The following AVEN variants were observed in gnomAD, a reference collection of about 807,000 sequenced individuals.
AVEN encodes the protein cell death regulator Aven.
Under a neutral mutation model 38.1 loss-of-function variants are expected in AVEN, and 41 were observed. The observed-to-expected ratio is 1.08, with a 90% CI of 0.84 to 1.40. The LOEUF is 1.40. AVEN is among the 40% of genes most tolerant of loss of function. The pLI, the probability that AVEN is intolerant of heterozygous loss-of-function variation, is 0.00. For synonymous variants in AVEN, 206 were observed against 171.8 expected (o/e 1.20, Z -1.56); for missense variants, 605 against 438.8 (o/e 1.38, Z -3.38).
At chr15:33,990,781 G>A (rs511422) in intron 2 of AVEN, 72,910 of 152,036 alleles carry the variant, frequency 0.48, 21,115 homozygotes, top group Non-Finnish European at 0.65. Context: ...TTAATTTGCC[G>A]TAAGACGAAT....
At chr15:33,924,909 A>G (rs694501) in intron 2 of AVEN, among the ~76,000 whole-genome samples, 104,442 of 152,030 alleles carry the variant, frequency 0.69, 36,223 homozygotes, top group East Asian at 0.76. Flanking sequence ...TTATATACAT[A>G]TATTTTAAAA....
chr15:34,006,632 G>C (rs1446744139), intron 1 of AVEN, among the ~76,000 whole-genome samples: 1 of 152,268 alleles, frequency 6.6e-6, no homozygotes, highest in Middle Eastern at 3.4e-3. Flanking sequence ...CGAATTAATG[G>C]TCCTGCCAAG....
At chr15:33,906,123 C>T (rs1271859836) in intron 2 of AVEN, among the ~76,000 whole-genome samples, 1 of 152,148 alleles carries the variant, frequency 6.6e-6, no homozygotes, top group Non-Finnish European at 1.5e-5. Context: ...AACAGGTCTA[C>T]GTTTCTCCCA....
chr15:33,919,808 C>CA (rs1179143582), intron 2 of AVEN, among the ~76,000 whole-genome samples: 3 of 152,110 alleles, frequency 2.0e-5, no homozygotes, highest in Admixed American at 6.5e-5. Context: ...ACACGAAGTA[C>CA]AAAAAAATTT....
At chr15:33,864,078 C>G (rs766418363), downstream of AVEN, 10 of 1,253,932 alleles carry the variant, frequency 8.0e-6, no homozygotes, top group South Asian at 1.3e-5. Context: ...CACAGTTAAT[C>G]CATGCGAATG....
intron 1 of AVEN, among the ~76,000 whole-genome samples, chr15:34,005,821 G>C (rs1036429592): frequency 6.6e-6 from 1 of 152,086 alleles, no homozygotes; most frequent in Non-Finnish European, 1.5e-5. Context: ...TCAAGATCAC[G>C]TTCAGCCCAC....
intron 1 of AVEN, among the ~76,000 whole-genome samples, chr15:34,071,763 A>C (rs1900630911): frequency 6.6e-6 from 1 of 152,172 alleles, no homozygotes; most frequent in South Asian, 2.1e-4. Context: ...CAAGTGATAC[A>C]AATTTAAACT....
rs369194075 is a variant in AVEN, at chr15:34,050,787, A to G, written n.1637+12135T>C. 9.9e-5 allele frequency among the ~76,000 whole-genome samples: 15 copies of G among 152,240 alleles called. No homozygotes were observed. The East Asian group carries it at 1.3e-3, about 14-fold the overall frequency. On this transcript the variant is annotated intron_variant and non_coding_transcript_variant, in intron 5 of 11. Transcript: ENST00000675287. ...ACATAATGGTAAAGGGTTCAATTCA[A>G]CAAGAAGAGCTAACTATCCTAAATG...
intron 5 of AVEN, among the ~76,000 whole-genome samples, chr15:34,056,429 A>G (rs1464410057): frequency 1.3e-5 from 2 of 152,242 alleles, no homozygotes; most frequent in East Asian, 3.9e-4. Flanking sequence ...TTCCTCTGAG[A>G]AAGGCTAGAT....
chr15:34,022,129 G>C (rs913560828), intron 1 of AVEN, among the ~76,000 whole-genome samples: 2 of 152,180 alleles, frequency 1.3e-5, no homozygotes, highest in Non-Finnish European at 2.9e-5. Flanking sequence ...AAGCTGTTTG[G>C]CTGGCATGCC....
the AVEN span, chr15:33,852,922 C>A: frequency 8.8e-6 from 7 of 794,192 alleles, no homozygotes; most frequent in African/African-American, 1.8e-5. Context: ...TCTTAAAATT[C>A]TTTGGTGAGC....
At chr15:34,072,115 T>G (rs1900639033) in intron 1 of AVEN, among the ~76,000 whole-genome samples, 1 of 151,010 alleles carries the variant, frequency 6.6e-6, no homozygotes, top group Admixed American at 6.6e-5. Flanking sequence ...AAAAAAAGTT[T>G]TTAATTAGCT....
chr15:33,885,326 C>T (rs878904032), intron 2 of AVEN, among the ~76,000 whole-genome samples: 12 of 152,156 alleles, frequency 7.9e-5, no homozygotes, highest in African/African-American at 2.7e-4. Flanking sequence ...TAAGTCTCCA[C>T]GCTGACACAG....
Position 33,866,616 on chromosome 15 carries a change from G to A in AVEN, c.1086C>T (p.Ser362=), listed in dbSNP as rs1444515782. The A allele has an allele frequency of 2.5e-6, 4 of 1,612,350 alleles. No homozygotes were observed. Among genetic ancestry groups the A allele is most frequent in the African/African-American group, 1.3e-5 (1 of 74,912 alleles). Residue 362 remains serine (S), a synonymous_variant, in exon 6 of 6, where the codon TCC becomes TCT. Transcript: ENST00000306730. ...TCAGGCACTTTTTTTCCCCTTTTTA[G>A]GAAATCATGCTGTCCAACCAGTCTT... ...ELEDWLDSMI[S]
chr15:33,989,955 G>GC (rs1896646749), intron 2 of AVEN, among the ~76,000 whole-genome samples: 3 of 151,338 alleles, frequency 2.0e-5, no homozygotes, highest in African/African-American at 7.3e-5. Context: ...TCTAATCCCA[G>GC]CACTTTGGGA....
intron 2 of AVEN, among the ~76,000 whole-genome samples, chr15:33,965,607 G>A (rs1895354770): frequency 6.6e-6 from 1 of 152,146 alleles, no homozygotes; most frequent in East Asian, 1.9e-4. Flanking sequence ...TGCCTCTGAA[G>A]TTGTTTAGCC....
At chr15:33,973,957 A>G (rs1212261065) in intron 2 of AVEN, among the ~76,000 whole-genome samples, 5 of 152,344 alleles carry the variant, frequency 3.3e-5, no homozygotes, top group African/African-American at 9.6e-5. Context: ...GCAAGTAGGT[A>G]ACTGCAGAAA....
At chr15:34,068,271 A>T (rs971272923) in intron 2 of AVEN, among the ~76,000 whole-genome samples, 1 of 148,550 alleles carries the variant, frequency 6.7e-6, no homozygotes, top group African/African-American at 2.5e-5. Flanking sequence ...TCACTCTGTC[A>T]TCCAGGCTGG....
chr15:33,946,586 T>C (rs1483839432), intron 2 of AVEN, among the ~76,000 whole-genome samples: 2 of 152,076 alleles, frequency 1.3e-5, no homozygotes, highest in East Asian at 1.9e-4. Context: ...TTAGCTCAGA[T>C]GTCATGACTG....
Sources: allele counts gnomAD v4.1 joint callset (sites outside exome capture counted in the v4.1 genomes callset), GRCh38; gene constraint gnomAD v4.1.1; transcripts MANE v1.5; gene names NCBI Gene and HGNC (gene_info 2026-07-23, HGNC 2026-07-21).